Variants in NRXN3 observed in about 807,000 individuals in gnomAD.
NRXN3 encodes neurexin 3.
In NRXN3, 32 loss-of-function variants were observed where a neutral mutation model predicts 137.6. That is an observed-to-expected ratio of 0.23 (90% CI 0.18 to 0.31). NRXN3 has a LOEUF of 0.31. Among genes scored for constraint, NRXN3 ranks in the 10% least tolerant of loss-of-function variants. NRXN3 has a pLI of 1.00. For synonymous variants in NRXN3, 798 were observed against 784.5 expected (o/e 1.02, Z -0.29); for missense variants, 1,574 against 2,062.5 (o/e 0.76, Z 4.59).
At chr14:78,773,686 C>G (rs2098735795) in intron 8 of NRXN3, among the ~76,000 whole-genome samples, 3 of 152,146 alleles carry the variant, frequency 2.0e-5, no homozygotes, top group Admixed American at 2.0e-4. Context: ...GACACCCTTC[C>G]TCAGTGTTTT....
intron 15 of NRXN3, among the ~76,000 whole-genome samples, chr14:79,255,129 A>G (rs1170373744): frequency 2.6e-5 from 4 of 152,170 alleles, no homozygotes; most frequent in East Asian, 1.9e-4. Context: ...CCCTGAGCCA[A>G]TTTTGAAATT....
At chr14:79,155,528 T>G (rs1416399668) in intron 15 of NRXN3, among the ~76,000 whole-genome samples, 2 of 151,892 alleles carry the variant, frequency 1.3e-5, no homozygotes. Context: ...TTATTTTACT[T>G]AAATATATTT....
intron 15 of NRXN3, among the ~76,000 whole-genome samples, chr14:79,119,298 T>C (rs185536788): frequency 6.6e-6 from 1 of 152,294 alleles, no homozygotes; most frequent in East Asian, 1.9e-4. Flanking sequence ...TATTAAATAG[T>C]TGTTGCTTCT....
At chr14:78,171,811 T>C (rs2058751082) in intron 1 of NRXN3, among the ~76,000 whole-genome samples, 1 of 152,226 alleles carries the variant, frequency 6.6e-6, no homozygotes, top group Admixed American at 6.5e-5. Flanking sequence ...AATATCATCA[T>C]GCAATGAGAA....
At chr14:78,323,347 G>T (rs530537657) in intron 4 of NRXN3, among the ~76,000 whole-genome samples, 4 of 152,102 alleles carry the variant, frequency 2.6e-5, no homozygotes, top group Admixed American at 2.6e-4. Flanking sequence ...TGCCCTGTGT[G>T]TGGATTGAGA....
intron 19 of NRXN3, among the ~76,000 whole-genome samples, chr14:79,798,800 C>T (rs1180023544): frequency 6.6e-6 from 1 of 152,152 alleles, no homozygotes; most frequent in East Asian, 1.9e-4. Context: ...GATCACAGCT[C>T]ACAGCAGTAG....
chr14:79,140,494 C>A (rs191860445), intron 15 of NRXN3, among the ~76,000 whole-genome samples: 1 of 151,846 alleles, frequency 6.6e-6, no homozygotes, highest in East Asian at 1.9e-4. Context: ...CCCCATTATA[C>A]CTCCTGAGTA....
intron 4 of NRXN3, among the ~76,000 whole-genome samples, chr14:78,299,949 TA>T (rs1380336253): frequency 6.6e-6 from 1 of 152,236 alleles, no homozygotes; most frequent in African/African-American, 2.4e-5. Context: ...AATCTGTTTT[TA>T]AGACAGTCCT....
Position 79,663,913 on chromosome 14 carries a change from G to T in NRXN3, c.3580G>T (p.Val1194Leu). The change falls in exon 17 of 21, where the codon GTG becomes TTG. Residue 1194 changes from valine (V) to leucine (L), a missense_variant. By Grantham distance (32) the Val-to-Leu change is conservative (BLOSUM62 1). This residue lies in a region of NRXN3 where 133 missense variants were observed against 241.8 expected (regional missense o/e 0.55). Coordinates refer to ENST00000335750, the MANE Select transcript of NRXN3 (RefSeq NM_001330195.2). The part of the protein sequence containing the change: ...TRNGGNATLQ[V>L]DNWPVNEHYP... Reference sequence around the variant, plus strand: ...GAACGGCGGCAACGCCACCCTGCAGGTGGACAACTGGCCAGTGAATGAACA... The same window carrying T: ...GAACGGCGGCAACGCCACCCTGCAGTTGGACAACTGGCCAGTGAATGAACA... The T allele has an allele frequency of 1.9e-6, 3 of 1,613,544 alleles. No individual in the cohort carries two copies. Among genetic ancestry groups the T allele is most frequent in the Non-Finnish European group, 2.5e-6 (3 of 1,179,640 alleles).
At chr14:79,478,548 A>G (rs1392333327) in intron 16 of NRXN3, among the ~76,000 whole-genome samples, 1 of 152,092 alleles carries the variant, frequency 6.6e-6, no homozygotes, top group African/African-American at 2.4e-5. Flanking sequence ...CTACTCCTAG[A>G]GAGCTGCCAC....
chr14:78,928,304 A>ATT (rs144201690), intron 10 of NRXN3, among the ~76,000 whole-genome samples: 2 of 150,230 alleles, frequency 1.3e-5, no homozygotes, highest in African/African-American at 2.4e-5. Context: ...ACTTACAGGG[A>ATT]TTTTTTTTTT....
intron 15 of NRXN3, among the ~76,000 whole-genome samples, chr14:79,211,537 T>A (rs556588191): frequency 4.6e-5 from 7 of 152,156 alleles, no homozygotes; most frequent in Non-Finnish European, 1.0e-4. Context: ...ATGTTACCAA[T>A]GAGGAAACAG....
intron 17 of NRXN3, among the ~76,000 whole-genome samples, chr14:79,671,276 CTCCT>C (rs1253833836): frequency 3.3e-5 from 5 of 152,126 alleles, no homozygotes; most frequent in Admixed American, 2.6e-4. Flanking sequence ...TCACACTCTG[CTCCT>C]TCCTTAGATT....
At chr14:79,497,820 A>C (rs2096781793) in intron 16 of NRXN3, among the ~76,000 whole-genome samples, 1 of 152,120 alleles carries the variant, frequency 6.6e-6, no homozygotes, top group Non-Finnish European at 1.5e-5. Context: ...GTGGATCACG[A>C]GGTCAGGAGC....
At chr14:78,842,724 C>T (rs1432193062) in intron 10 of NRXN3, among the ~76,000 whole-genome samples, 4 of 152,056 alleles carry the variant, frequency 2.6e-5, no homozygotes, top group Admixed American at 6.6e-5. Context: ...AAGACAGCCG[C>T]CCCCAAAGTG....
chr14:79,462,319 G>A (rs911694530), intron 15 of NRXN3, among the ~76,000 whole-genome samples: 2 of 152,024 alleles, frequency 1.3e-5, no homozygotes, highest in Admixed American at 6.6e-5. Flanking sequence ...TTTACAGTGA[G>A]CCAAGATCAT....
At chr14:78,811,487 C>T (rs1048982956) in intron 10 of NRXN3, among the ~76,000 whole-genome samples, 3 of 152,150 alleles carry the variant, frequency 2.0e-5, no homozygotes, top group African/African-American at 7.2e-5. Flanking sequence ...ATCCTACATG[C>T]AAAGGAAGCT....
intron 9 of NRXN3, among the ~76,000 whole-genome samples, chr14:78,809,646 C>T (rs1435751046): frequency 6.6e-6 from 1 of 152,120 alleles, no homozygotes; most frequent in African/African-American, 2.4e-5. Flanking sequence ...TGGTGTTAAC[C>T]CTTTCCTTAC....
intron 2 of NRXN3, among the ~76,000 whole-genome samples, chr14:78,254,825 A>AT (rs1003930694): frequency 3.0e-4 from 45 of 152,072 alleles, no homozygotes; most frequent in Non-Finnish European, 1.0e-4. Flanking sequence ...GCCTAGTAGT[A>AT]TTTTTTTTCT....
Sources: allele counts gnomAD v4.1 joint callset (sites outside exome capture counted in the v4.1 genomes callset), GRCh38; gene constraint gnomAD v4.1.1; regional missense constraint gnomAD v4.1.1; transcripts MANE v1.5; gene names NCBI Gene and HGNC (gene_info 2026-07-23, HGNC 2026-07-21).